Variants in NID1 observed in about 807,000 individuals in gnomAD.
NID1 encodes nidogen 1, also known as nidogen-1.
A neutral mutation model predicts 130.6 loss-of-function variants in NID1; 76 were observed. That is an observed-to-expected ratio of 0.58 (90% confidence interval 0.48 to 0.70). The LOEUF (loss-of-function observed/expected upper bound fraction) is 0.70. NID1 is among the 30% of genes least tolerant of loss of function. The probability of loss-of-function intolerance (pLI) is 0.00; values close to 1 mark genes in which losing one functional copy is unlikely to be tolerated. For missense variants in NID1, 1,517 were observed against 1,664.8 expected (o/e 0.91, Z 1.54); for synonymous variants, 665 against 675.1 (o/e 0.98, Z 0.23).
At chr1:236,034,993 TTTC>T (rs777399229) in intron 5 of NID1, among the ~76,000 whole-genome samples, 7 of 103,518 alleles carry the variant, frequency 6.8e-5, no homozygotes, top group African/African-American at 3.2e-4. Context: ...TCTTTCTTTC[TTTC>T]TTTTTTTTTA....
In NID1 at chr1:236,025,942, C is replaced by A. The variant is rs2102826772; in HGVS notation, c.1938G>T (p.Glu646Asp). Reference protein sequence around the residue: ...DSVFVLYNQEEKILRYALSNS... With the variant: ...DSVFVLYNQEDKILRYALSNS... ...TGCTGAGAGCATAGCGCAAGATCTT[C>A]TCCTCCTGGTTGTACAGGACGAACA... Residue 646 changes from glutamate to aspartate, a missense_variant, in exon 8 of 20, where the codon GAG (glutamate) becomes GAT (aspartate). Around this residue, in one of 3 missense-constraint regions of NID1, gnomAD observed 1,329 missense variants for 1,429.2 expected, o/e 0.93. Coordinates refer to ENST00000264187, the MANE Select transcript of NID1 (RefSeq NM_002508.3). The A allele has an allele frequency of 6.2e-7, 1 of 1,614,126 alleles. No homozygotes were observed. The highest frequency in any genetic ancestry group is 2.2e-5 in the East Asian group (1 of 44,882).
chr1:236,023,452 G>A (rs1288509086), intron 9 of NID1, among the ~76,000 whole-genome samples: 1 of 152,290 alleles, frequency 6.6e-6, no homozygotes, highest in African/African-American at 2.4e-5. Context: ...GCCAAAGACT[G>A]AAGGAAGGGG....
chr1:236,013,193 C>T lies in NID1; in HGVS notation c.2404+218G>A, dbSNP rs367730030. ...CTAATTGTCACCTGAATGAACTAGT[C>T]ACCTAGAACAAAACAGTCATCAATG... On this transcript the variant is annotated intron_variant, in intron 11 of 19. Coordinates refer to ENST00000264187, the MANE Select transcript of NID1 (RefSeq NM_002508.3). Among the ~76,000 whole-genome samples, 37 of 152,266 alleles carry T rather than the reference C, an allele frequency of 2.4e-4. 1 individual carries two copies. In the South Asian group the frequency reaches 7.7e-3, roughly 32 times the overall value.
At chr1:236,012,578 A>AAAAAAAAAAAAAAAAAAAG (rs1553343926) in intron 11 of NID1, among the ~76,000 whole-genome samples, 1 of 99,546 alleles carries the variant, frequency 1.0e-5, no homozygotes, top group Non-Finnish European at 1.9e-5. Flanking sequence ...AAAAAAAAAA[A>AAAAAAAAAAAAAAAAAAAG]AAAGAAAGAA....
intron 12 of NID1, among the ~76,000 whole-genome samples, chr1:236,004,057 A>G (rs1658167489): frequency 6.7e-6 from 1 of 150,164 alleles, no homozygotes; most frequent in African/African-American, 2.4e-5. Context: ...AAACAAGAAG[A>G]AAAGAAAAAG....
intron 10 of NID1, among the ~76,000 whole-genome samples, chr1:236,014,344 G>C (rs1474472361): frequency 6.6e-6 from 1 of 151,952 alleles, no homozygotes; most frequent in Non-Finnish European, 1.5e-5. Flanking sequence ...ACTACACAAA[G>C]CCTGATGGGA....
At chr1:236,050,340 G>T (rs985842849) in intron 1 of NID1, among the ~76,000 whole-genome samples, 2 of 152,156 alleles carry the variant, frequency 1.3e-5, no homozygotes, top group South Asian at 2.1e-4. Flanking sequence ...GATCACCTGA[G>T]GTCAGGAGTT....
rs1352313876 is a variant in NID1 at position 236,064,895 on chromosome 1, G to GC, written c.184dup (p.Ala62GlyfsTer25). 6.2e-7 allele frequency: 1 copy of GC among 1,612,244 alleles called. No individual in the cohort carries two copies. Among genetic ancestry groups the GC allele is most frequent in the Non-Finnish European group, 8.5e-7 (1 of 1,179,492 alleles). On this transcript the variant is annotated frameshift_variant, in exon 1 of 20. Transcript: ENST00000264187. LOFTEE classifies it high-confidence loss of function. Reference sequence around the variant, plus strand: ...GTCGGATCTGTCGTAGAAGCGGAGCGCCCCACTCAGCTCCAGGGCAGGAGA... The same window carrying GC: ...GTCGGATCTGTCGTAGAAGCGGAGCGCCCCCACTCAGCTCCAGGGCAGGAGA...
intron 12 of NID1, among the ~76,000 whole-genome samples, chr1:236,002,573 C>A (rs973482654): frequency 1.3e-5 from 2 of 152,162 alleles, no homozygotes; most frequent in African/African-American, 2.4e-5. Flanking sequence ...ATACACCCAG[C>A]CACAGCAGCC....
intron 1 of NID1, among the ~76,000 whole-genome samples, chr1:236,051,306 C>G: frequency 7.3e-6 from 1 of 136,238 alleles, no homozygotes. Flanking sequence ...AGAGTCTTAT[C>G]CCTCAGTCAC....
chr1:236,024,236 A>G, intron 8 of NID1, 23 bp from the exon 9 acceptor site: 1 of 1,613,448 alleles, frequency 6.2e-7, no homozygotes, highest in South Asian at 1.1e-5. Context: ...AGACATTGGA[A>G]CCAAGTGAGT....
chr1:236,006,093 G>A (rs920147067), intron 12 of NID1, among the ~76,000 whole-genome samples: 4 of 152,010 alleles, frequency 2.6e-5, no homozygotes, highest in African/African-American at 7.3e-5. Context: ...CCCATATACC[G>A]AATAAAGCTA....
At chr1:236,012,578 A>AAAAAAAAAGAAAG (rs1553343926) in intron 11 of NID1, among the ~76,000 whole-genome samples, 1 of 99,550 alleles carries the variant, frequency 1.0e-5, no homozygotes, top group Admixed American at 1.2e-4. Flanking sequence ...AAAAAAAAAA[A>AAAAAAAAAGAAAG]AAAGAAAGAA....
At chr1:236,046,681 G>A (rs1244486163) in intron 2 of NID1, among the ~76,000 whole-genome samples, 4 of 152,204 alleles carry the variant, frequency 2.6e-5, no homozygotes, top group Admixed American at 6.5e-5. Flanking sequence ...GTATGCGGAG[G>A]TGGAACAGAT....
rs7517936 is a variant in NID1 at position 235,978,112 on chromosome 1, G to C, written c.3623-124C>G. The C allele has an allele frequency of 7.4e-4, 869 of 1,167,260 alleles. 5 individuals carry two copies. The African/African-American group carries it at 0.012, about 17-fold the overall frequency. 72.3% of individuals were successfully genotyped at this position (1,167,260 alleles called of 1,614,324 possible). A position where few individuals can be genotyped will look rare whatever the true frequency, so the allele number is the denominator to read the frequency against. On this transcript the variant is annotated intron_variant, in intron 19 of 19. Transcript: ENST00000264187. ...GTTTCCTTGAAGCCATGCTAGGAAG[G>C]CTTCAGGAGAATGGGGACACTGTGC...
intron 12 of NID1, among the ~76,000 whole-genome samples, chr1:236,003,144 A>T (rs1222595233): frequency 6.6e-6 from 1 of 151,242 alleles, no homozygotes. Context: ...GGTAGTTGTC[A>T]CTCCTAGTGA....
chr1:236,053,737 T>C (rs1213425088), intron 1 of NID1, among the ~76,000 whole-genome samples: 2 of 152,186 alleles, frequency 1.3e-5, no homozygotes, highest in Non-Finnish European at 2.9e-5. Flanking sequence ...CATGGTCTGA[T>C]ACATATGAGT....
rs139360438 is a variant in NID1 at position 236,042,053 on chromosome 1, A to G, written c.992T>C (p.Val331Ala). 5.6e-6 allele frequency: 9 copies of G among 1,613,958 alleles called. No individual in the cohort carries two copies. The highest frequency in any genetic ancestry group is 7.6e-6 in the Non-Finnish European group (9 of 1,180,046). Residue 331 changes from valine to alanine, a missense_variant, in exon 4 of 20, where the codon GTC becomes GCC. By Grantham distance (64) the Val-to-Ala change is moderately conservative. Coordinates refer to ENST00000264187, the MANE Select transcript of NID1 (RefSeq NM_002508.3). ...GGTAGCTGCCCGGCGCGGGGAGAGG[A>G]CGCTGGGCACACTGTATGTGTCAGC... is the stretch of plus-strand genomic sequence containing the variant. ...GGADTYSVPS[V>A]LSPRRAATER...
intron 1 of NID1, among the ~76,000 whole-genome samples, chr1:236,055,825 G>T (rs1473284684): frequency 6.6e-6 from 1 of 152,064 alleles, no homozygotes; most frequent in East Asian, 1.9e-4. Context: ...GGTTTATTGA[G>T]GTATAACTGA....
Sources: gnomAD v4.1 joint callset for allele counts (sites outside exome capture counted in the v4.1 genomes callset) on GRCh38, gnomAD v4.1.1 for gene constraint, gnomAD v4.1.1 regional missense constraint, MANE v1.5 for transcripts, NCBI Gene and HGNC (gene_info 2026-07-23, HGNC 2026-07-21) for gene names.